The following ACTR3C variants were observed in gnomAD, a reference collection of about 807,000 sequenced individuals.
ACTR3C encodes the protein actin related protein 3C, also known as actin-related protein 3C.
ACTR3C carries 18 observed loss-of-function variants against 26.3 expected under a neutral mutation model. The observed-to-expected ratio is 0.68, with a 90% CI of 0.47 to 1.01. ACTR3C has a LOEUF of 1.01. ACTR3C is among the 50% of genes least tolerant of loss of function. ACTR3C has a pLI of 0.00. For synonymous variants in ACTR3C, 55 were observed against 94.5 expected (o/e 0.58, Z 2.42); for missense variants, 184 against 250.7 (o/e 0.73, Z 1.80).
the ACTR3C span, among the ~76,000 whole-genome samples, chr7:150,048,381 TGG>T: frequency 5.7e-3 from 869 of 151,402 alleles, 9 homozygotes; most frequent in South Asian, 0.031. Flanking sequence ...GGCGCCTGGG[TGG>T]CAGGGGTTGG....
At chr7:149,955,659 C>T in the ACTR3C span, among the ~76,000 whole-genome samples, 10 of 152,154 alleles carry the variant, frequency 6.6e-5, no homozygotes, top group African/African-American at 2.2e-4. Context: ...AAGCTGACTT[C>T]TTCAATATGG....
the ACTR3C span, among the ~76,000 whole-genome samples, chr7:150,150,288 A>C: frequency 2.0e-5 from 3 of 152,344 alleles, no homozygotes; most frequent in East Asian, 5.8e-4. Flanking sequence ...TAAGCCATGC[A>C]TCCTGAATTA....
At chr7:150,082,943 TTTTC>T in the ACTR3C span, among the ~76,000 whole-genome samples, 1 of 99,554 alleles carries the variant, frequency 1.0e-5, no homozygotes, top group East Asian at 3.7e-4. Flanking sequence ...TCTTTTTTTT[TTTTC>T]TTTTTTTTTT....
chr7:150,289,928 T>C (rs1306900288), intron 3 of ACTR3C, among the ~76,000 whole-genome samples: 2 of 152,156 alleles, frequency 1.3e-5, no homozygotes, highest in African/African-American at 2.4e-5. Context: ...CTAAACCCAA[T>C]AGGTTCTTTC....
chr7:149,929,137 T>A, the ACTR3C span, among the ~76,000 whole-genome samples: 2 of 152,094 alleles, frequency 1.3e-5, no homozygotes, highest in East Asian at 3.9e-4. Context: ...CAGGCAAGAA[T>A]CACCAATGGA....
chr7:149,963,765 A>C, the ACTR3C span, among the ~76,000 whole-genome samples: 1 of 152,210 alleles, frequency 6.6e-6, no homozygotes, highest in African/African-American at 2.4e-5. Flanking sequence ...GGGGCATTCA[A>C]TTTCTCCTCT....
chr7:150,286,181 T>C (rs1835754311), intron 5 of ACTR3C, among the ~76,000 whole-genome samples, 186 bp downstream of exon 5: 1 of 152,010 alleles, frequency 6.6e-6, no homozygotes, highest in Non-Finnish European at 1.5e-5. Flanking sequence ...TTAAAACAGA[T>C]AACCAGCTCT....
the ACTR3C span, among the ~76,000 whole-genome samples, chr7:150,197,622 C>T: frequency 6.6e-6 from 1 of 152,260 alleles, no homozygotes; most frequent in Non-Finnish European, 1.5e-5. Context: ...TCGATGATTC[C>T]CAAGTTTAAA....
chr7:150,173,613 G>T, the ACTR3C span, among the ~76,000 whole-genome samples: 2 of 147,022 alleles, frequency 1.4e-5, no homozygotes, highest in Admixed American at 1.3e-4. Flanking sequence ...ATTAACATTT[G>T]GTTCCTCATT....
At chr7:150,321,141 T>A (rs1797467742) in intron 1 of ACTR3C, among the ~76,000 whole-genome samples, 1 of 152,100 alleles carries the variant, frequency 6.6e-6, no homozygotes, top group African/African-American at 2.4e-5. Context: ...TCAGCAAAAA[T>A]CTCCCTAACC....
the ACTR3C span, among the ~76,000 whole-genome samples, chr7:149,972,307 A>G: frequency 2.0e-5 from 3 of 152,204 alleles, no homozygotes. Context: ...GAAATTCTAC[A>G]TATTGTATTG....
the ACTR3C span, among the ~76,000 whole-genome samples, chr7:150,136,232 G>T: frequency 6.6e-6 from 1 of 152,224 alleles, no homozygotes; most frequent in East Asian, 1.9e-4. Context: ...TAGATGGCCG[G>T]TGCTGCTAGG....
chr7:150,028,243 C>G, the ACTR3C span, among the ~76,000 whole-genome samples: 1 of 152,248 alleles, frequency 6.6e-6, no homozygotes, highest in South Asian at 2.1e-4. Flanking sequence ...AATTATCTTC[C>G]TCCCACGGGG....
chr7:150,055,491 GTTTTTT>G, the ACTR3C span, among the ~76,000 whole-genome samples: 1 of 141,828 alleles, frequency 7.1e-6, no homozygotes, highest in Non-Finnish European at 1.5e-5. Context: ...GAGGGAGGGA[GTTTTTT>G]TTTTTTTTTT....
At chr7:150,263,705 C>T (rs576488920) in intron 6 of ACTR3C, among the ~76,000 whole-genome samples, 24 of 152,032 alleles carry the variant, frequency 1.6e-4, no homozygotes, top group African/African-American at 4.8e-4. Context: ...CGAAGAACAA[C>T]GTGGACAAAC....
chr7:150,223,621 A>G, the ACTR3C span, among the ~76,000 whole-genome samples: 1 of 151,678 alleles, frequency 6.6e-6, no homozygotes, highest in Non-Finnish European at 1.5e-5. Flanking sequence ...AACATGATAA[A>G]CCCATCATAA....
chr7:150,058,700 A>G, the ACTR3C span, among the ~76,000 whole-genome samples: 2 of 152,204 alleles, frequency 1.3e-5, no homozygotes, highest in African/African-American at 4.8e-5. Context: ...GTGGATCACG[A>G]GGTCAGGAAA....
intron 6 of ACTR3C, among the ~76,000 whole-genome samples, chr7:150,277,136 A>G (rs1381486693): frequency 6.6e-6 from 1 of 152,116 alleles, no homozygotes; most frequent in Non-Finnish European, 1.5e-5. Context: ...GCCTTCCTAC[A>G]AATTTTGGAC....
chr7:149,981,778 G>A, the ACTR3C span, among the ~76,000 whole-genome samples: 2 of 152,152 alleles, frequency 1.3e-5, no homozygotes, highest in East Asian at 3.9e-4. Context: ...GCTGGTCCTT[G>A]AGTTTCTTCT....
Sources: gnomAD v4.1 joint callset for allele counts (sites outside exome capture counted in the v4.1 genomes callset) on GRCh38, gnomAD v4.1.1 for gene constraint, MANE v1.5 for transcripts, NCBI Gene and HGNC (gene_info 2026-07-23, HGNC 2026-07-21) for gene names.